ACBD6: variants seen among roughly 807,000 people sequenced by gnomAD.
ACBD6 encodes the protein acyl-CoA binding domain containing 6.
In ACBD6, 28 loss-of-function variants were observed where a neutral mutation model predicts 37.2. That is an observed-to-expected ratio of 0.75 (90% CI 0.56 to 1.03). ACBD6 has a LOEUF of 1.03. Among genes scored for constraint, ACBD6 ranks in the 50% least tolerant of loss-of-function variants. The pLI is 0.00. For missense variants in ACBD6, 340 were observed against 337.4 expected, an observed-to-expected ratio of 1.01 and a Z score of -0.06; for synonymous variants, 113 against 126.8, an observed-to-expected ratio of 0.89 and a Z score of 0.73.
chr1:180,409,174 G>A lies in ACBD6; in HGVS notation c.573+4192C>T, dbSNP rs116166780. ...AAGAGAAAATTTTTGCCTTAAAGGA[G>A]CTAGAATAAAATGTAAGAAGGATGC... On this transcript the variant is annotated intron_variant, in intron 5 of 7. Coordinates refer to ENST00000367595, the MANE Select transcript of ACBD6 (RefSeq NM_032360.4). Among the ~76,000 whole-genome samples the A allele has an allele frequency of 5.4e-3, 828 of 152,120 alleles. 7 individuals carry two copies. The highest frequency in any genetic ancestry group is 0.019 in the African/African-American group (783 of 41,502).
At chr1:180,461,964 G>A (rs1204651875) in intron 3 of ACBD6, among the ~76,000 whole-genome samples, 4 of 152,130 alleles carry the variant, frequency 2.6e-5, no homozygotes, top group Admixed American at 1.3e-4. Flanking sequence ...GGCTGGGCAT[G>A]GTGGCTCACA....
chr1:180,394,290 AT>A (rs1558280771), intron 6 of ACBD6, among the ~76,000 whole-genome samples: 1 of 151,750 alleles, frequency 6.6e-6, no homozygotes, highest in East Asian at 1.9e-4. Context: ...GGGTCTCACT[AT>A]GTTGCCCAGG....
intron 3 of ACBD6, among the ~76,000 whole-genome samples, chr1:180,431,628 G>A (rs967578557): frequency 2.6e-5 from 4 of 152,246 alleles, no homozygotes; most frequent in Non-Finnish European, 5.9e-5. Flanking sequence ...GCTGAGGAAC[G>A]TGTACAAAGG....
chr1:180,437,439 A>C (rs1412539293), intron 3 of ACBD6, among the ~76,000 whole-genome samples: 1 of 152,178 alleles, frequency 6.6e-6, no homozygotes, highest in African/African-American at 2.4e-5. Context: ...CTGCTCACAT[A>C]ATGTTGGGGA....
chr1:180,338,075 G>C (rs767178655), intron 6 of ACBD6, among the ~76,000 whole-genome samples: 17 of 152,184 alleles, frequency 1.1e-4, no homozygotes, highest in Non-Finnish European at 2.2e-4. Context: ...TGGATAGGAA[G>C]AATCAATACC....
rs539747108 is a variant in ACBD6 at position 180,421,238 on chromosome 1, C to T, written c.468-7767G>A. ...GTGTCCATGTGTTCTCATCATTCAGCTCCCACTTACAAGTGAGAACATGTG... is the reference window on the plus strand; with the variant it reads ...GTGTCCATGTGTTCTCATCATTCAGTTCCCACTTACAAGTGAGAACATGTG... On this transcript the variant is annotated intron_variant, in intron 4 of 7. Coordinates refer to ENST00000367595, the MANE Select transcript of ACBD6 (RefSeq NM_032360.4). Among the ~76,000 whole-genome samples the T allele has an allele frequency of 3.9e-5, 6 of 152,304 alleles. No homozygotes were observed. In the South Asian group the frequency reaches 6.2e-4, roughly 16 times the overall value.
chr1:180,358,721 A>G, intron 6 of ACBD6, among the ~76,000 whole-genome samples: 1 of 152,202 alleles, frequency 6.6e-6, no homozygotes, highest in South Asian at 2.1e-4. Flanking sequence ...TTATAAATAC[A>G]TACAGAAATA....
chr1:180,331,610 T>C (rs1454664704), intron 6 of ACBD6, among the ~76,000 whole-genome samples: 4 of 152,198 alleles, frequency 2.6e-5, no homozygotes, highest in South Asian at 2.1e-4. Context: ...GGCTACAATA[T>C]ATTTTGCTAC....
intron 3 of ACBD6, among the ~76,000 whole-genome samples, chr1:180,449,959 A>G (rs1649639102): frequency 1.3e-5 from 2 of 151,220 alleles, no homozygotes; most frequent in Admixed American, 1.3e-4. Context: ...TCCGGATGAC[A>G]GGGTCAATGA....
At chr1:180,312,113 CA>C (rs2149289845) in intron 7 of ACBD6, among the ~76,000 whole-genome samples, 1 of 152,296 alleles carries the variant, frequency 6.6e-6, no homozygotes, top group Non-Finnish European at 1.5e-5. Flanking sequence ...TTAAATTCCA[CA>C]AAGTATCTGC....
chr1:180,433,198 C>T (rs966691591), intron 3 of ACBD6, among the ~76,000 whole-genome samples: 2 of 152,072 alleles, frequency 1.3e-5, no homozygotes, highest in Non-Finnish European at 2.9e-5. Flanking sequence ...ACATCATGAT[C>T]AACTGGGATT....
At chr1:180,350,367 C>T (rs749687391) in intron 6 of ACBD6, among the ~76,000 whole-genome samples, 11 of 152,110 alleles carry the variant, frequency 7.2e-5, no homozygotes, top group African/African-American at 4.8e-5. Context: ...CAGCATTTCA[C>T]TCAATGTGTT....
At chr1:180,376,271 C>T (rs1044798450) in intron 6 of ACBD6, among the ~76,000 whole-genome samples, 2 of 152,186 alleles carry the variant, frequency 1.3e-5, no homozygotes, top group African/African-American at 4.8e-5. Context: ...AATTTGGCAA[C>T]ATCTAACAAA....
intron 7 of ACBD6, among the ~76,000 whole-genome samples, chr1:180,309,830 T>C (rs1343167037): frequency 2.6e-5 from 4 of 152,192 alleles, no homozygotes; most frequent in South Asian, 4.1e-4. Flanking sequence ...ATTGCCATCA[T>C]AGCTGTGGGG....
intron 7 of ACBD6, among the ~76,000 whole-genome samples, chr1:180,309,358 A>T (rs539614151): frequency 6.6e-6 from 1 of 152,364 alleles, no homozygotes; most frequent in South Asian, 2.1e-4. Context: ...TCAAACTTAA[A>T]TGGACACATT....
chr1:180,330,063 A>G (rs1651418305), intron 6 of ACBD6, among the ~76,000 whole-genome samples: 1 of 152,148 alleles, frequency 6.6e-6, no homozygotes, highest in Non-Finnish European at 1.5e-5. Flanking sequence ...AAATACAAGG[A>G]CTTGATTCTC....
At chr1:180,449,529 T>C (rs1446121340) in intron 3 of ACBD6, among the ~76,000 whole-genome samples, 1 of 151,576 alleles carries the variant, frequency 6.6e-6, no homozygotes, top group Non-Finnish European at 1.5e-5. Flanking sequence ...TGCCTCAGCC[T>C]CCTGAGTAGC....
chr1:180,376,817 G>A (rs1653454552), intron 6 of ACBD6, among the ~76,000 whole-genome samples: 1 of 152,094 alleles, frequency 6.6e-6, no homozygotes, highest in Non-Finnish European at 1.5e-5. Flanking sequence ...CATATCTATA[G>A]TAATGTTTCA....
chr1:180,366,675 A>C (rs1653066511), intron 6 of ACBD6, among the ~76,000 whole-genome samples: 1 of 152,214 alleles, frequency 6.6e-6, no homozygotes, highest in Non-Finnish European at 1.5e-5. Flanking sequence ...CAATATAAAA[A>C]TGACAGAGAA....
Sources: gnomAD v4.1 joint callset for allele counts (sites outside exome capture counted in the v4.1 genomes callset) on GRCh38, gnomAD v4.1.1 for gene constraint, MANE v1.5 for transcripts, NCBI Gene and HGNC (gene_info 2026-07-23, HGNC 2026-07-21) for gene names.